MACROD2: variants seen among roughly 807,000 people sequenced by gnomAD.
The protein encoded by MACROD2 is ADP-ribose glycohydrolase MACROD2.
Under a neutral mutation model 70.4 loss-of-function variants are expected in MACROD2, and 36 were observed. That is an observed-to-expected ratio of 0.51 (90% CI 0.39 to 0.68). The LOEUF (loss-of-function observed/expected upper bound fraction) is 0.68, where lower values mean the gene tolerates loss of function less well. Among genes scored for constraint, MACROD2 ranks in the 30% least tolerant of loss-of-function variants. The pLI is 0.00. For missense variants in MACROD2, 496 were observed against 538.4 expected (o/e 0.92, Z 0.78); for synonymous variants, 172 against 178.8 (o/e 0.96, Z 0.30).
intron 8 of MACROD2, among the ~76,000 whole-genome samples, chr20:15,778,279 A>T (rs1267003182): frequency 6.6e-6 from 1 of 152,010 alleles, no homozygotes; most frequent in Non-Finnish European, 1.5e-5. Context: ...TTTTTTTCCC[A>T]GGTTGGTAGA....
chr20:15,461,504 A>G (rs1218040719), intron 7 of MACROD2, among the ~76,000 whole-genome samples: 1 of 152,212 alleles, frequency 6.6e-6, no homozygotes, highest in African/African-American at 2.4e-5. Flanking sequence ...ACAAGGACAT[A>G]AAAGTCCTTA....
intron 5 of MACROD2, among the ~76,000 whole-genome samples, chr20:14,688,837 A>C (rs2071031667): frequency 6.6e-6 from 1 of 152,196 alleles, no homozygotes; most frequent in African/African-American, 2.4e-5. Flanking sequence ...ATATGTGCTG[A>C]ATTAATGTGA....
intron 3 of MACROD2, among the ~76,000 whole-genome samples, chr20:14,087,494 T>C (rs752722812): frequency 3.3e-5 from 5 of 151,306 alleles, no homozygotes; most frequent in Non-Finnish European, 5.9e-5. Flanking sequence ...CTGATGCTTC[T>C]GCACTTCCTT....
At chr20:15,467,425 C>T (rs975067714) in intron 7 of MACROD2, among the ~76,000 whole-genome samples, 1 of 152,194 alleles carries the variant, frequency 6.6e-6, no homozygotes, top group African/African-American at 2.4e-5. Flanking sequence ...CAAACTAAGA[C>T]AGGTACATTG....
chr20:14,024,957 T>G (rs2053140405), intron 2 of MACROD2, among the ~76,000 whole-genome samples: 1 of 152,222 alleles, frequency 6.6e-6, no homozygotes, highest in Admixed American at 6.5e-5. Flanking sequence ...TACCAGCTCC[T>G]CTTTGTGACT....
chr20:14,998,388 T>A (rs945506350), intron 5 of MACROD2, among the ~76,000 whole-genome samples: 1 of 152,134 alleles, frequency 6.6e-6, no homozygotes, highest in African/African-American at 2.4e-5. Context: ...AGAGAAGGAA[T>A]TCAGAATCAT....
intron 10 of MACROD2, among the ~76,000 whole-genome samples, chr20:15,932,838 G>A (rs2065599714): frequency 6.6e-6 from 1 of 152,194 alleles, no homozygotes; most frequent in South Asian, 2.1e-4. Flanking sequence ...ACTGCCATAT[G>A]GAAGTTAAGT....
At chr20:15,382,994 C>T (rs2045664435) in intron 6 of MACROD2, among the ~76,000 whole-genome samples, 1 of 152,198 alleles carries the variant, frequency 6.6e-6, no homozygotes, top group Non-Finnish European at 1.5e-5. Context: ...TTTTCATGTG[C>T]TCCTCTCCTT....
intron 8 of MACROD2, among the ~76,000 whole-genome samples, chr20:15,649,214 CTTTCTTTCTTTCT>C (rs1568951869): frequency 3.0e-4 from 1 of 3,342 alleles, no homozygotes; most frequent in Admixed American, 3.4e-3. Context: ...TTCCTTCTTT[CTTTCTTTCTTTCT>C]TTCTTTCTTT....
chr20:15,754,683 CTT>C (rs536927554), intron 8 of MACROD2, among the ~76,000 whole-genome samples: 84 of 132,664 alleles, frequency 6.3e-4, no homozygotes, highest in Admixed American at 8.3e-4. Flanking sequence ...TCTATTCAAT[CTT>C]TTTTTTTTTT....
At position 15,705,126 on chromosome 20, in the gene MACROD2, A is replaced by T. The variant is rs369078754; in HGVS notation, c.646-157619A>T. Among the ~76,000 whole-genome samples the T allele has an allele frequency of 2.4e-3, 369 of 152,260 alleles. 3 individuals carry two copies. Among genetic ancestry groups the T allele is most frequent in the African/African-American group, 8.1e-3 (335 of 41,538 alleles). On this transcript the variant is annotated intron_variant, in intron 8 of 17. Transcript: ENST00000684519. Reference sequence around the variant, plus strand: ...CAAAATACCTTTCTATTATAAATTGATGTGTTTTATTTACAGTTCCTTATG... The same window carrying T: ...CAAAATACCTTTCTATTATAAATTGTTGTGTTTTATTTACAGTTCCTTATG...
At chr20:15,254,081 A>C (rs1260529363) in intron 6 of MACROD2, among the ~76,000 whole-genome samples, 2 of 152,138 alleles carry the variant, frequency 1.3e-5, no homozygotes, top group Non-Finnish European at 2.9e-5. Context: ...GTTCCAACTT[A>C]GGGGACACTT....
intron 3 of MACROD2, among the ~76,000 whole-genome samples, chr20:14,460,236 C>T (rs960928657): frequency 4.6e-5 from 7 of 152,036 alleles, no homozygotes; most frequent in Admixed American, 2.0e-4. Context: ...TTTGGGTATA[C>T]ACCCAGTAAT....
intron 5 of MACROD2, among the ~76,000 whole-genome samples, chr20:14,731,010 T>C (rs73897204): frequency 0.08 from 7,857 of 98,248 alleles, 542 homozygotes; most frequent in East Asian, 0.26. Context: ...CACACACACA[T>C]GCACACACAC....
At chr20:14,284,069 G>A (rs184698863) in intron 3 of MACROD2, among the ~76,000 whole-genome samples, 5 of 152,130 alleles carry the variant, frequency 3.3e-5, no homozygotes, top group Admixed American at 6.5e-5. Context: ...CTTTAAAATT[G>A]CCATGTGAAA....
intron 3 of MACROD2, among the ~76,000 whole-genome samples, chr20:14,377,754 T>C (rs926212814): frequency 2.0e-5 from 3 of 152,252 alleles, no homozygotes; most frequent in African/African-American, 7.2e-5. Context: ...TCTCTTATAC[T>C]TACAGACTTT....
chr20:15,133,097 T>C (rs1440609652), intron 5 of MACROD2, among the ~76,000 whole-genome samples: 1 of 152,088 alleles, frequency 6.6e-6, no homozygotes, highest in Non-Finnish European at 1.5e-5. Flanking sequence ...GAAACAATTG[T>C]TCTTCAAAAG....
intron 5 of MACROD2, among the ~76,000 whole-genome samples, chr20:14,813,347 T>C (rs116538883): frequency 0.014 from 2,033 of 143,894 alleles, 46 homozygotes; most frequent in African/African-American, 0.049. Flanking sequence ...TCCCCCTTCC[T>C]CTGCCCCCCT....
At chr20:14,500,343 C>T (rs554496489) in intron 4 of MACROD2, among the ~76,000 whole-genome samples, 38 of 152,262 alleles carry the variant, frequency 2.5e-4, no homozygotes, top group African/African-American at 8.4e-4. Flanking sequence ...ATCGCCAGTG[C>T]GAGCTCCTCC....
Sources: gnomAD v4.1 joint callset for allele counts (sites outside exome capture counted in the v4.1 genomes callset) on GRCh38, gnomAD v4.1.1 for gene constraint, MANE v1.5 for transcripts, NCBI Gene and HGNC (gene_info 2026-07-23, HGNC 2026-07-21) for gene names.